NFIB: variants seen among roughly 807,000 people sequenced by gnomAD.
The protein encoded by NFIB is nuclear factor I B.
Under a neutral mutation model 61.5 loss-of-function variants are expected in NFIB, and 11 were observed. The observed-to-expected ratio is 0.18, with a 90% CI of 0.11 to 0.30. The LOEUF is 0.30. Ranked by LOEUF, NFIB falls within the 10% of genes least tolerant of loss-of-function variation. The pLI, the probability that NFIB is intolerant of heterozygous loss-of-function variation, is 1.00. For missense variants in NFIB, 471 were observed against 608.9 expected, an observed-to-expected ratio of 0.77 and a Z score of 2.38; for synonymous variants, 260 against 216.5, an observed-to-expected ratio of 1.20 and a Z score of -1.76.
chr9:14,376,216 G>A (rs965942917), intron 1 of NFIB, among the ~76,000 whole-genome samples: 3 of 152,158 alleles, frequency 2.0e-5, no homozygotes, highest in Admixed American at 6.5e-5. Flanking sequence ...ATGCCACCAT[G>A]TTCAGTTTAA....
the NFIB span, among the ~76,000 whole-genome samples, chr9:14,509,890 T>C: frequency 6.6e-6 from 1 of 152,214 alleles, no homozygotes; most frequent in African/African-American, 2.4e-5. Context: ...TTTTATTTTT[T>C]ACATTTTAGT....
At position 14,082,659 on chromosome 9, in the gene NFIB, A is replaced by G. The variant is rs1319343483; in HGVS notation, c.*5650T>C. 1 of 188,952 alleles carries G rather than the reference A, an allele frequency of 5.3e-6. No individual in the cohort carries two copies. Among genetic ancestry groups the G allele is most frequent in the African/African-American group, 2.5e-5 (1 of 40,140 alleles). The allele number at this position is 188,952 out of a possible 1,614,324, so 11.7% of individuals were successfully genotyped here. A position where few individuals can be genotyped will look rare whatever the true frequency, so the allele number is the denominator to read the frequency against. On this transcript the variant is annotated 3_prime_UTR_variant, in exon 11 of 11. Coordinates refer to ENST00000380953, the MANE Select transcript of NFIB (RefSeq NM_001190737.2). Reference sequence around the variant, plus strand: ...CATTTGTTTGAGTTTTTTGGTAAACATTTTGCTGGTTTTTTTTTTTTGTTT... The same window carrying G: ...CATTTGTTTGAGTTTTTTGGTAAACGTTTTGCTGGTTTTTTTTTTTTGTTT...
At chr9:14,393,178 C>T (rs1224990456) in intron 1 of NFIB, among the ~76,000 whole-genome samples, 10 of 151,656 alleles carry the variant, frequency 6.6e-5, no homozygotes, top group African/African-American at 2.2e-4. Context: ...TTCTTCCAAT[C>T]GTGTCTCCTT....
At chr9:14,093,529 G>A (rs764610801) in intron 10 of NFIB, 3 of 151,864 alleles carry the variant, frequency 2.0e-5, no homozygotes, top group Non-Finnish European at 4.4e-5. Flanking sequence ...GAAAGCATGG[G>A]GAATAAATAA....
intron 8 of NFIB, 111 bp from the exon 9 acceptor site, chr9:14,116,457 C>T (rs1433175682): frequency 2.0e-5 from 23 of 1,142,006 alleles, no homozygotes; most frequent in South Asian, 2.7e-5. Flanking sequence ...TGCGCATAGG[C>T]GCCACACAGG....
intron 10 of NFIB, among the ~76,000 whole-genome samples, chr9:14,090,194 A>C (rs548716549): frequency 3.3e-5 from 5 of 152,184 alleles, no homozygotes; most frequent in Non-Finnish European, 7.4e-5. Flanking sequence ...TCTACTTAGC[A>C]TTAACAAAAA....
intron 6 of NFIB, among the ~76,000 whole-genome samples, chr9:14,140,066 G>T (rs1282514635): frequency 6.6e-6 from 1 of 152,092 alleles, no homozygotes; most frequent in African/African-American, 2.4e-5. Flanking sequence ...AGCATTTGTA[G>T]CTCTCTTTTT....
At chr9:14,258,023 T>A (rs2056393831) in intron 2 of NFIB, among the ~76,000 whole-genome samples, 1 of 152,244 alleles carries the variant, frequency 6.6e-6, no homozygotes, top group Non-Finnish European at 1.5e-5. Flanking sequence ...CCCATATTTA[T>A]GTTTTTAGTG....
intron 1 of NFIB, among the ~76,000 whole-genome samples, chr9:14,386,844 T>C (rs1029856472): frequency 3.9e-5 from 6 of 152,202 alleles, no homozygotes; most frequent in Non-Finnish European, 7.3e-5. Context: ...CTCCTTGGTG[T>C]GTTATTAGGT....
At chr9:14,513,156 CGTTT>C in the NFIB span, among the ~76,000 whole-genome samples, 1 of 151,966 alleles carries the variant, frequency 6.6e-6, no homozygotes, top group Non-Finnish European at 1.5e-5. Flanking sequence ...TTTATGTATT[CGTTT>C]GTTTTCTCTT....
At position 14,195,906 on chromosome 9, in the gene NFIB, G is replaced by T. The variant is rs1350138274; in HGVS notation, c.563-16126C>A. Among the ~76,000 whole-genome samples, 5 of 150,140 alleles carry T rather than the reference G, an allele frequency of 3.3e-5. No individual in the cohort carries two copies. The East Asian group carries it at 9.9e-4, about 30-fold the overall frequency. ...AAATGTTTTTTAAACTTTTTTTTTTGCAAAAGAAAATGCATAATAATAAAA... is the reference window on the plus strand; with the variant it reads ...AAATGTTTTTTAAACTTTTTTTTTTTCAAAAGAAAATGCATAATAATAAAA... On this transcript the variant is annotated intron_variant, in intron 2 of 10. Transcript: ENST00000380953.
At position 14,143,729 on chromosome 9, in the gene NFIB, T is replaced by C. The variant is rs191680035; in HGVS notation, c.925+2960A>G. Among the ~76,000 whole-genome samples, 497 of 152,288 alleles carry C rather than the reference T, an allele frequency of 3.3e-3. 3 individuals carry two copies. The highest frequency in any genetic ancestry group is 4.4e-3 in the Non-Finnish European group (301 of 67,996). On this transcript the variant is annotated intron_variant, in intron 6 of 10. Transcript: ENST00000380953. ...TCAATGACTGGAGTGGCACTCAATA[T>C]GTGCTTTAGACAACTCCCTCCATCA...
upstream of NFIB, among the ~76,000 whole-genome samples, chr9:14,315,881 G>T (rs899548369): frequency 6.6e-6 from 1 of 151,710 alleles, no homozygotes; most frequent in Admixed American, 6.6e-5. Flanking sequence ...TGGGGGATCC[G>T]GGGGGCGCTG....
intron 6 of NFIB, among the ~76,000 whole-genome samples, chr9:14,137,225 G>A (rs946212349): frequency 1.2e-4 from 18 of 152,144 alleles, no homozygotes; most frequent in Admixed American, 1.2e-3. Context: ...CCATAACAAG[G>A]TTCTGTTATA....
intron 2 of NFIB, among the ~76,000 whole-genome samples, chr9:14,242,312 A>G (rs1391971958): frequency 6.6e-6 from 1 of 152,208 alleles, no homozygotes; most frequent in African/African-American, 2.4e-5. Context: ...TGAAAAGTCT[A>G]AAGTTTGGGC....
chr9:14,385,045 C>T (rs776620424), intron 1 of NFIB, among the ~76,000 whole-genome samples: 1 of 152,192 alleles, frequency 6.6e-6, no homozygotes, highest in Non-Finnish European at 1.5e-5. Context: ...ATGAGGCATT[C>T]GCTCCAACTT....
chr9:14,173,601 C>T (rs2045817756), intron 3 of NFIB, among the ~76,000 whole-genome samples: 1 of 152,152 alleles, frequency 6.6e-6, no homozygotes, highest in South Asian at 2.1e-4. Flanking sequence ...GCTGAAAAAT[C>T]TACCTATAGA....
chr9:14,175,163 A>ATTTTTTTTTTTTTTTTTTTTTTTTTTTTT, intron 3 of NFIB, among the ~76,000 whole-genome samples: 1 of 102,106 alleles, frequency 9.8e-6, no homozygotes, highest in Non-Finnish European at 1.9e-5. Flanking sequence ...GACTTAAAGA[A>ATTTTTTTTTTTTTTTTTTTTTTTTTTTTT]TTTCTTTTTT....
chr9:14,190,373 G>C (rs909127416), intron 2 of NFIB, among the ~76,000 whole-genome samples: 1 of 152,096 alleles, frequency 6.6e-6, no homozygotes, highest in Non-Finnish European at 1.5e-5. Context: ...ATTTGTACGT[G>C]GGGTATTCAT....
Sources: gnomAD v4.1 joint callset for allele counts (sites outside exome capture counted in the v4.1 genomes callset) on GRCh38, gnomAD v4.1.1 for gene constraint, MANE v1.5 for transcripts, NCBI Gene and HGNC (gene_info 2026-07-23, HGNC 2026-07-21) for gene names.